The following SLC24A4 variants were observed in gnomAD, a reference collection of about 807,000 sequenced individuals.
The protein encoded by SLC24A4 is solute carrier family 24 member 4.
Under a neutral mutation model 79.0 loss-of-function variants are expected in SLC24A4, and 53 were observed. The ratio of observed to expected loss-of-function variants is 0.67; its 90% confidence interval spans 0.54 to 0.84. The LOEUF (loss-of-function observed/expected upper bound fraction) is 0.84. Among genes scored for constraint, SLC24A4 ranks in the 40% least tolerant of loss-of-function variants. The pLI, the probability that SLC24A4 is intolerant of heterozygous loss-of-function variation, is 0.00. For synonymous variants in SLC24A4, 323 were observed against 323.8 expected, an observed-to-expected ratio of 1.00 and a Z score of 0.03; for missense variants, 731 against 822.0, an observed-to-expected ratio of 0.89 and a Z score of 1.35.
intron 2 of SLC24A4, among the ~76,000 whole-genome samples, chr14:92,377,741 C>T (rs2141703278): frequency 6.6e-6 from 1 of 152,054 alleles, no homozygotes; most frequent in South Asian, 2.1e-4. Context: ...GCTAGGCTGT[C>T]AGGAGGCCTT....
chr14:92,420,000 G>A (rs1891189606), intron 2 of SLC24A4, among the ~76,000 whole-genome samples: 1 of 152,132 alleles, frequency 6.6e-6, no homozygotes, highest in Non-Finnish European at 1.5e-5. Flanking sequence ...GACAAAGAGG[G>A]GAAGGCCAGA....
chr14:92,369,537 AAAATAATGTGTTTGT>A (rs1888032402), intron 2 of SLC24A4, among the ~76,000 whole-genome samples: 1 of 152,274 alleles, frequency 6.6e-6, no homozygotes, highest in South Asian at 2.1e-4. Context: ...AGAACCGGAA[AAAATAATGTGTTTGT>A]AAAACGTATT....
rs372403720 is a variant in SLC24A4, at chr14:92,486,773, G to A, written c.1530G>A (p.Ala510=). Residue 510 remains alanine, a synonymous_variant, in exon 14 of 17, where the codon GCG becomes GCA. Transcript: ENST00000532405. ...VPDCMASLIV[A]RQGLGDMAVS... ...ACTGCATGGCCAGCCTAATTGTGGC[G>A]AGACAAGGTATGGATTATGCCCCAG... The A allele has an allele frequency of 3.2e-5, 52 of 1,613,134 alleles. No individual in the cohort carries two copies. Among genetic ancestry groups the A allele is most frequent in the East Asian group, 2.2e-4 (10 of 44,886 alleles).
Position 92,388,841 on chromosome 14 carries a change from A to C in SLC24A4, c.242-45071A>C, listed in dbSNP as rs78177001. Reference sequence around the variant, plus strand: ...AGACCCCAGAGTGGCCCCCAGACCAAAACTGGGGCCCAGGAGACATCTTGC... The same window carrying C: ...AGACCCCAGAGTGGCCCCCAGACCACAACTGGGGCCCAGGAGACATCTTGC... On this transcript the variant is annotated intron_variant, in intron 2 of 16. Coordinates refer to ENST00000532405, the MANE Select transcript of SLC24A4 (RefSeq NM_153646.4). Among the ~76,000 whole-genome samples, 677 of 152,284 alleles carry C rather than the reference A, an allele frequency of 4.4e-3. 6 individuals are homozygous for C. Among genetic ancestry groups the C allele is most frequent in the African/African-American group, 0.015 (643 of 41,566 alleles).
At chr14:92,493,021 G>T in intron 16 of SLC24A4, 1 of 348,190 alleles carries the variant, frequency 2.9e-6, no homozygotes, top group Non-Finnish European at 5.5e-6. Flanking sequence ...CACACACAGA[G>T]AAAGATTTGC....
intron 2 of SLC24A4, among the ~76,000 whole-genome samples, chr14:92,404,128 G>T (rs957400208): frequency 5.9e-5 from 9 of 152,156 alleles, no homozygotes; most frequent in African/African-American, 2.2e-4. Flanking sequence ...TCACCTCCCT[G>T]CTGCTAAGAA....
rs1168542678 is a variant in SLC24A4, at chr14:92,499,893, G to T, written c.*6265G>T. On this transcript the variant is annotated 3_prime_UTR_variant, in exon 17 of 17. Coordinates refer to ENST00000532405, the MANE Select transcript of SLC24A4 (RefSeq NM_153646.4). ...CTCACTCTGTTGCCCAGGCTGGAGT[G>T]CAGTGGCGCGATCTCCACTCACTGC... 6.7e-6 allele frequency: 1 copy of T among 148,470 alleles called. No individual in the cohort carries two copies. The highest frequency in any genetic ancestry group is 2.5e-5 in the African/African-American group (1 of 39,960). The allele number at this position is 148,470 out of a possible 1,614,324, so 9.2% of individuals were successfully genotyped here.
intron 2 of SLC24A4, among the ~76,000 whole-genome samples, chr14:92,433,088 G>C (rs572462955): frequency 6.6e-6 from 1 of 152,322 alleles, no homozygotes; most frequent in East Asian, 1.9e-4. Context: ...GGATGCAATG[G>C]TGACCAGGGA....
intron 2 of SLC24A4, among the ~76,000 whole-genome samples, chr14:92,412,055 C>T (rs996391103): frequency 6.6e-6 from 1 of 152,224 alleles, no homozygotes; most frequent in Non-Finnish European, 1.5e-5. Context: ...GCTCATCTCT[C>T]TTCCATGCTG....
At chr14:92,466,310 A>C (rs1463716047) in intron 12 of SLC24A4, among the ~76,000 whole-genome samples, 1 of 152,212 alleles carries the variant, frequency 6.6e-6, no homozygotes, top group Non-Finnish European at 1.5e-5. Flanking sequence ...TAAACACGTC[A>C]TGTTTGTTGG....
chr14:92,383,361 C>A (rs35090986), intron 2 of SLC24A4, among the ~76,000 whole-genome samples: 1 of 152,098 alleles, frequency 6.6e-6, no homozygotes, highest in Non-Finnish European at 1.5e-5. Context: ...AATTGACAGG[C>A]CACACAAGCG....
At chr14:92,449,270 C>CCTCTTTTG (rs1892996053) in intron 10 of SLC24A4, 54 bp downstream of exon 10, 1 of 1,570,488 alleles carries the variant, frequency 6.4e-7, no homozygotes, top group African/African-American at 1.4e-5. Flanking sequence ...GCCACTCTCT[C>CCTCTTTTG]CTCTTTTGTG....
intron 12 of SLC24A4, among the ~76,000 whole-genome samples, chr14:92,460,795 A>G (rs1043450831): frequency 2.6e-5 from 4 of 152,174 alleles, no homozygotes; most frequent in Admixed American, 2.0e-4. Flanking sequence ...GTGGGAGGCC[A>G]CAGCCTGCTC....
chr14:92,492,721 G>A (rs189825410), intron 16 of SLC24A4: 97 of 391,714 alleles, frequency 2.5e-4, no homozygotes, highest in African/African-American at 1.8e-3. Flanking sequence ...AAGAAATCGG[G>A]GCTCAGGGGT....
At chr14:92,412,375 T>A (rs149282608) in intron 2 of SLC24A4, among the ~76,000 whole-genome samples, 1 of 152,170 alleles carries the variant, frequency 6.6e-6, no homozygotes, top group Non-Finnish European at 1.5e-5. Flanking sequence ...GGAAGGGCAG[T>A]TCCCCCCAGG....
rs529081635 is a variant in SLC24A4, at chr14:92,344,259, C to T, written c.241+18281C>T. On this transcript the variant is annotated intron_variant, in intron 2 of 16. Transcript: ENST00000532405. ...TCCCATGAGGATGGTGTGTTCTAGA[C>T]GGCACTTCTCCTTCTGCCTGGATTC... Among the ~76,000 whole-genome samples, 8 of 152,316 alleles carry T rather than the reference C, an allele frequency of 5.3e-5. No homozygotes were observed. The South Asian group carries it at 1.0e-3, about 20-fold the overall frequency.
At position 92,445,355 on chromosome 14, in the gene SLC24A4, A is replaced by G; in HGVS notation, c.683+13A>G. On this transcript the variant is annotated intron_variant, in intron 8 of 16. Transcript: ENST00000532405. ...AACAAATTGTGTGGTAAGTTTTTCA[A>G]GTGTAGTTTTCATTGTTCTTTTTTG... The G allele has an allele frequency of 6.2e-7, 1 of 1,613,088 alleles. No individual in the cohort carries two copies. Among genetic ancestry groups the G allele is most frequent in the Non-Finnish European group, 8.5e-7 (1 of 1,179,110 alleles).
At chr14:92,334,046 A>G (rs1310948531) in intron 2 of SLC24A4, among the ~76,000 whole-genome samples, 2 of 152,202 alleles carry the variant, frequency 1.3e-5, no homozygotes, top group African/African-American at 2.4e-5. Context: ...AGGAGGTGCA[A>G]TGGCACTGGT....
At chr14:92,324,106 A>G in intron 1 of SLC24A4, 146 bp downstream of exon 1, 1 of 1,182,734 alleles carries the variant, frequency 8.5e-7, no homozygotes, top group East Asian at 2.8e-5. Context: ...GGGCAGGTAG[A>G]GCGCGCCCAG....
Sources: allele counts gnomAD v4.1 joint callset (sites outside exome capture counted in the v4.1 genomes callset), GRCh38; gene constraint gnomAD v4.1.1; transcripts MANE v1.5; gene names NCBI Gene and HGNC (gene_info 2026-07-23, HGNC 2026-07-21).